The following RHOBTB3 variants were observed in gnomAD, a reference collection of about 807,000 sequenced individuals.
RHOBTB3 encodes Rho related BTB domain containing 3.
Under a neutral mutation model 67.2 loss-of-function variants are expected in RHOBTB3, and 47 were observed. That is an observed-to-expected ratio of 0.70 (90% confidence interval 0.55 to 0.89). The LOEUF (loss-of-function observed/expected upper bound fraction) is 0.89, where lower values mean the gene tolerates loss of function less well. Among genes scored for constraint, RHOBTB3 ranks in the 40% least tolerant of loss-of-function variants. RHOBTB3 has a pLI of 0.00. For synonymous variants in RHOBTB3, 273 were observed against 274.2 expected (o/e 1.00, Z 0.04); for missense variants, 631 against 750.0 (o/e 0.84, Z 1.85).
intron 6 of RHOBTB3, among the ~76,000 whole-genome samples, chr5:95,760,195 T>G (rs1311859353): frequency 6.6e-6 from 1 of 152,228 alleles, no homozygotes; most frequent in Non-Finnish European, 1.5e-5. Context: ...AGTTTTCTAT[T>G]GAATAACAAC....
intron 3 of RHOBTB3, among the ~76,000 whole-genome samples, chr5:95,748,104 A>C (rs1469931001): frequency 1.3e-5 from 2 of 151,810 alleles, no homozygotes; most frequent in Non-Finnish European, 2.9e-5. Flanking sequence ...CCTACTTTTA[A>C]ATTTTTCTAT....
chr5:95,737,884 C>T (rs1026622955), intron 3 of RHOBTB3, among the ~76,000 whole-genome samples: 3 of 152,158 alleles, frequency 2.0e-5, no homozygotes, highest in East Asian at 1.9e-4. Flanking sequence ...CAGTTAATAA[C>T]GCTCCTCCTC....
In RHOBTB3 at chr5:95,760,871, A is replaced by G. The variant is rs530422896; in HGVS notation, c.1049-2637A>G. ...TTTTTACCACTGGAAAAATAAAAGG[A>G]AAGTCCCAGCCTTAGGATTACTGGT... On this transcript the variant is annotated intron_variant, in intron 6 of 11. Transcript: ENST00000379982. Among the ~76,000 whole-genome samples the G allele has an allele frequency of 2.3e-4, 35 of 152,380 alleles. 1 individual carries two copies. The highest frequency in any genetic ancestry group is 7.9e-4 in the African/African-American group (33 of 41,598).
rs1185188055 is a variant in RHOBTB3, at chr5:95,754,251, G to A, written c.683-1145G>A. Among the ~76,000 whole-genome samples the A allele has an allele frequency of 2.0e-5, 3 of 152,204 alleles. No individual in the cohort carries two copies. In the East Asian group the frequency reaches 5.8e-4, roughly 29 times the overall value. ...CTTGTACTCTTCTGTTAAGAGAGCT[G>A]TGTGTATAACACTAAAGATATTCCA... On this transcript the variant is annotated intron_variant, in intron 5 of 11. Coordinates refer to ENST00000379982, the MANE Select transcript of RHOBTB3 (RefSeq NM_014899.4).
Position 95,731,454 on chromosome 5 carries a change from A to G in RHOBTB3, c.-229A>G. ...CGGCGATGTTCCCGGGCACTCCCTG[A>G]GTAGCGGCAGCTTATCCCCCGCCCG... is the stretch of plus-strand genomic sequence containing the variant. On this transcript the variant is annotated 5_prime_UTR_variant, in exon 1 of 12. It removes the in-frame stop codon of an upstream open reading frame in the 5' UTR. Transcript: ENST00000379982. 1 of 1,212,810 alleles carries G rather than the reference A, an allele frequency of 8.2e-7. No homozygotes were observed. Among genetic ancestry groups the G allele is most frequent in the Non-Finnish European group, 1.0e-6 (1 of 979,154 alleles). The allele number at this position is 1,212,810 out of a possible 1,614,324, so 75.1% of individuals were successfully genotyped here. A position where few individuals can be genotyped will look rare whatever the true frequency, so the allele number is the denominator to read the frequency against.
chr5:95,757,425 G>A (rs1195669666), intron 6 of RHOBTB3, among the ~76,000 whole-genome samples: 2 of 152,180 alleles, frequency 1.3e-5, no homozygotes, highest in Non-Finnish European at 2.9e-5. Flanking sequence ...AGTGTGTCTG[G>A]AGAAACATTT....
chr5:95,793,508 TA>T lies in RHOBTB3; in HGVS notation c.*336del, dbSNP rs1746481460. 5.7e-6 allele frequency: 1 copy of T among 176,918 alleles called. No individual in the cohort carries two copies. The highest frequency in any genetic ancestry group is 2.4e-5 in the African/African-American group (1 of 42,142). The allele number at this position is 176,918 out of a possible 1,614,324, so 11.0% of individuals were successfully genotyped here. ...TTAAAAAAAAAAAATTACGTAGGATTAATACAGAAATTTAATCATGTCTGAT... is the reference window on the plus strand; with the variant it reads ...TTAAAAAAAAAAAATTACGTAGGATTATACAGAAATTTAATCATGTCTGAT... On this transcript the variant is annotated 3_prime_UTR_variant, in exon 12 of 12. Coordinates refer to ENST00000379982, the MANE Select transcript of RHOBTB3 (RefSeq NM_014899.4).
At chr5:95,766,163 G>A (rs934326763) in intron 7 of RHOBTB3, among the ~76,000 whole-genome samples, 1 of 151,886 alleles carries the variant, frequency 6.6e-6, no homozygotes, top group Non-Finnish European at 1.5e-5. Context: ...TGCCTTAGGA[G>A]GAAGAATAAT....
chr5:95,723,768 G>A (rs1382912810), intron 1 of RHOBTB3, among the ~76,000 whole-genome samples: 1 of 152,102 alleles, frequency 6.6e-6, no homozygotes, highest in Non-Finnish European at 1.5e-5. Context: ...CAGCCCCAGT[G>A]CTGTGTTCTG....
intron 1 of RHOBTB3, among the ~76,000 whole-genome samples, chr5:95,722,159 C>A (rs1197935971): frequency 6.6e-6 from 1 of 151,934 alleles, no homozygotes; most frequent in Non-Finnish European, 1.5e-5. Flanking sequence ...GGGATAGTAC[C>A]CAATGGATGG....
intron 8 of RHOBTB3, chr5:95,769,301 TG>T: frequency 2.1e-6 from 1 of 470,102 alleles, no homozygotes; most frequent in Non-Finnish European, 4.2e-6. Flanking sequence ...AACACTAAGA[TG>T]TTGCCAGTAA....
chr5:95,763,506 A>G lies in RHOBTB3; in HGVS notation c.1049-2A>G. ...ATCCAGCATGTACTAATTTGTTTAC[A>G]GGTGCTTTTCAGTGGGAAGAATTGG... is the stretch of plus-strand genomic sequence containing the variant. On this transcript the variant is annotated splice_acceptor_variant, in intron 6 of 11. Coordinates refer to ENST00000379982, the MANE Select transcript of RHOBTB3 (RefSeq NM_014899.4). LOFTEE classifies it high-confidence loss of function. The G allele has an allele frequency of 6.3e-7, 1 of 1,582,400 alleles. No individual in the cohort carries two copies. Among genetic ancestry groups the G allele is most frequent in the Non-Finnish European group, 8.7e-7 (1 of 1,152,092 alleles).
chr5:95,764,551 C>CT (rs1446504005), intron 7 of RHOBTB3, among the ~76,000 whole-genome samples: 1 of 152,118 alleles, frequency 6.6e-6, no homozygotes, highest in Non-Finnish European at 1.5e-5. Flanking sequence ...CATTTCAAAA[C>CT]TTTAAGACAT....
At chr5:95,728,785 G>A (rs1029821076), upstream of RHOBTB3, among the ~76,000 whole-genome samples, 2 of 152,196 alleles carry the variant, frequency 1.3e-5, no homozygotes, top group African/African-American at 4.8e-5. Flanking sequence ...TAGGAGGTCA[G>A]CACAGGATAC....
At chr5:95,737,122 T>G (rs1288691040) in intron 3 of RHOBTB3, 47 bp downstream of exon 3, 1 of 1,253,036 alleles carries the variant, frequency 8.0e-7, no homozygotes, top group Non-Finnish European at 1.1e-6. Context: ...AAATATTATA[T>G]ATACTTTAAA....
At chr5:95,726,342 A>G (rs1001184323), upstream of RHOBTB3, among the ~76,000 whole-genome samples, 20 of 152,226 alleles carry the variant, frequency 1.3e-4, 1 homozygote, top group Admixed American at 1.0e-3. Context: ...GAGACTTTGT[A>G]GCATTTATTC....
intron 1 of RHOBTB3, among the ~76,000 whole-genome samples, chr5:95,719,105 C>T (rs1030991611): frequency 6.6e-6 from 1 of 152,066 alleles, no homozygotes; most frequent in African/African-American, 2.4e-5. Context: ...TCATAGAGAA[C>T]ATGGACATAT....
At chr5:95,766,765 G>A (rs774753462) in intron 7 of RHOBTB3, among the ~76,000 whole-genome samples, 27 of 152,242 alleles carry the variant, frequency 1.8e-4, no homozygotes, top group Middle Eastern at 6.8e-3. Flanking sequence ...GGCTGCTCCC[G>A]GAGCCACTAG....
Position 95,748,460 on chromosome 5 carries a change from C to G in RHOBTB3, c.543C>G (p.Phe181Leu). The change falls in exon 4 of 12, where the codon TTC (phenylalanine) becomes TTG (leucine). Residue 181 changes from phenylalanine to leucine, a missense_variant. Physicochemically the swap from Phe to Leu is conservative, Grantham distance 22. Transcript: ENST00000379982. Reference sequence around the variant, plus strand: ...TTGAACTCCACAGCCTTGATGACTTCTACATAGGAAAGTATTTTGGAGGAG... The same window carrying G: ...TTGAACTCCACAGCCTTGATGACTTGTACATAGGAAAGTATTTTGGAGGAG... ...TYLELHSLDD[F>L]YIGKYFGGVL... The G allele has an allele frequency of 6.2e-7, 1 of 1,611,958 alleles. No individual in the cohort carries two copies. Among genetic ancestry groups the G allele is most frequent in the Non-Finnish European group, 8.5e-7 (1 of 1,178,896 alleles).
Sources: gnomAD v4.1 joint callset for allele counts (sites outside exome capture counted in the v4.1 genomes callset) on GRCh38, gnomAD v4.1.1 for gene constraint, MANE v1.5 for transcripts, NCBI Gene and HGNC (gene_info 2026-07-23, HGNC 2026-07-21) for gene names.